Variants in ATIC observed in about 807,000 individuals in gnomAD.
ATIC encodes bifunctional purine biosynthesis protein ATIC.
ATIC carries 64 observed loss-of-function variants against 72.5 expected under a neutral mutation model. The ratio of observed to expected loss-of-function variants is 0.88; its 90% CI spans 0.72 to 1.09. ATIC has a LOEUF of 1.09. ATIC is among the 50% of genes least tolerant of loss of function. ATIC has a pLI of 0.00. For synonymous variants in ATIC, 281 were observed against 267.1 expected (o/e 1.05, Z -0.51); for missense variants, 787 against 732.4 (o/e 1.07, Z -0.86).
At chr2:215,317,270 A>C (rs2052720494) in intron 2 of ATIC, among the ~76,000 whole-genome samples, 1 of 152,152 alleles carries the variant, frequency 6.6e-6, no homozygotes, top group Non-Finnish European at 1.5e-5. Context: ...TTTTTATTTA[A>C]CATTTCTGTA....
intron 14 of ATIC, chr2:215,347,712 T>G (rs1021634400): frequency 2.1e-6 from 1 of 477,652 alleles, no homozygotes; most frequent in African/African-American, 2.0e-5. Context: ...ACTTTGATAC[T>G]TGGATTTTTC....
At chr2:215,347,740 C>A (rs1195836040) in intron 14 of ATIC, 1 of 467,250 alleles carries the variant, frequency 2.1e-6, no homozygotes, top group Non-Finnish European at 4.3e-6. Context: ...TATTACCAGT[C>A]AACCCCTGCT....
rs1559281775 is a variant in ATIC at position 215,349,471 on chromosome 2, G to A, written c.1660-65G>A. 3.1e-6 allele frequency: 5 copies of A among 1,611,498 alleles called. No individual in the cohort carries two copies. The Admixed American group carries it at 6.7e-5, about 22-fold the overall frequency. ...TTTGTTAGCATATGCTTTTTAGAGG[G>A]GGATTTTGAGTTTTGCAGGTTTTTA... On this transcript the variant is annotated intron_variant, in intron 15 of 15. Transcript: ENST00000236959.
the ATIC span, chr2:215,367,845 G>A: frequency 1.2e-6 from 2 of 1,613,366 alleles, no homozygotes; most frequent in East Asian, 2.2e-5. Context: ...GAAGTGGATG[G>A]ACAAAGCAAC....
At chr2:215,319,871 T>C in intron 4 of ATIC, 140 bp downstream of exon 4, 1 of 742,796 alleles carries the variant, frequency 1.3e-6, no homozygotes, top group Non-Finnish European at 2.3e-6. Flanking sequence ...GTGTAAGCAT[T>C]TTGGTTTGGC....
intron 6 of ATIC, 48 bp downstream of exon 6, chr2:215,326,186 T>C (rs1026813284): frequency 1.2e-6 from 2 of 1,610,878 alleles, no homozygotes; most frequent in Admixed American, 1.7e-5. Flanking sequence ...TGGAGTGCAG[T>C]GTTTGCCAGA....
At chr2:215,340,268 A>G (rs1367085387) in intron 12 of ATIC, among the ~76,000 whole-genome samples, 1 of 152,222 alleles carries the variant, frequency 6.6e-6, no homozygotes, top group African/African-American at 2.4e-5. Flanking sequence ...GGTGACTACC[A>G]TCGTGTCAAT....
chr2:215,332,682 G>A (rs1406421195), intron 8 of ATIC, among the ~76,000 whole-genome samples, 175 bp downstream of exon 8: 2 of 152,116 alleles, frequency 1.3e-5, no homozygotes, highest in African/African-American at 4.8e-5. Flanking sequence ...CACACACACA[G>A]AATTGTGTAA....
At chr2:215,342,743 G>A (rs771874198) in intron 12 of ATIC, among the ~76,000 whole-genome samples, 6 of 152,120 alleles carry the variant, frequency 3.9e-5, no homozygotes, top group Admixed American at 2.6e-4. Context: ...GCAATGGCTC[G>A]GTCTTGGCTC....
chr2:215,331,241 C>T (rs944989110), intron 7 of ATIC, among the ~76,000 whole-genome samples: 21 of 152,066 alleles, frequency 1.4e-4, no homozygotes, highest in African/African-American at 3.4e-4. Context: ...GTTGCAGGGA[C>T]GGTTTTTTTC....
At chr2:215,349,039 A>G (rs1187710047) in intron 14 of ATIC, 55 bp from the exon 15 acceptor site, 1 of 1,597,012 alleles carries the variant, frequency 6.3e-7, no homozygotes. Flanking sequence ...TTTGCACCAC[A>G]TAGAACTAAA....
intron 11 of ATIC, among the ~76,000 whole-genome samples, chr2:215,336,598 G>A (rs6713365): frequency 0.99 from 150,183 of 152,360 alleles, 74,037 homozygotes; most frequent in Middle Eastern, 1. Context: ...AATAGTCTAT[G>A]TATTCAGCAA....
chr2:215,337,721 C>T (rs1317442640), intron 11 of ATIC, among the ~76,000 whole-genome samples: 2 of 152,152 alleles, frequency 1.3e-5, no homozygotes, highest in Non-Finnish European at 2.9e-5. Flanking sequence ...GTGTTATGTA[C>T]TTAACAACCA....
chr2:215,350,104 C>T (rs1331772127), downstream of ATIC, among the ~76,000 whole-genome samples: 4 of 151,860 alleles, frequency 2.6e-5, no homozygotes, highest in Admixed American at 2.0e-4. Flanking sequence ...CTTCTCATGC[C>T]GTTTTTGTTT....
chr2:215,320,976 A>T (rs1249952584), intron 4 of ATIC, among the ~76,000 whole-genome samples: 1 of 152,116 alleles, frequency 6.6e-6, no homozygotes, highest in African/African-American at 2.4e-5. Context: ...CTCCCCCGTG[A>T]CCCAATCATC....
Position 215,314,996 on chromosome 2 carries a change from A to G in ATIC, c.146+2372A>G, listed in dbSNP as rs533493217. ...ATCCATTTTTATGTTTAGGTTCAAC[A>G]AAGAATGGACAGAAAGGTGGAAGTA... On this transcript the variant is annotated intron_variant, in intron 2 of 15. Coordinates refer to ENST00000236959, the MANE Select transcript of ATIC (RefSeq NM_004044.7). Among the ~76,000 whole-genome samples, 5 of 152,334 alleles carry G rather than the reference A, an allele frequency of 3.3e-5. No homozygotes were observed. The East Asian group carries it at 7.7e-4, about 24-fold the overall frequency.
At position 215,333,457 on chromosome 2, in the gene ATIC, G is replaced by C. The variant is rs1233912600; in HGVS notation, c.922G>C (p.Gly308Arg). The C allele has an allele frequency of 6.2e-7, 1 of 1,612,128 alleles. No homozygotes were observed. Among genetic ancestry groups the C allele is most frequent in the Non-Finnish European group, 8.5e-7 (1 of 1,178,578 alleles). ...CTCAGCGGCATATGCAAGAGCAAGAGGTCAGACTCATAGGGCTTTTTGATT... is the reference window on the plus strand; with the variant it reads ...CTCAGCGGCATATGCAAGAGCAAGACGTCAGACTCATAGGGCTTTTTGATT... Reference protein sequence around the residue: ...PISAAYARARGADRMSSFGDF... With the variant: ...PISAAYARARRADRMSSFGDF... Residue 308 changes from glycine (G) to arginine (R), a missense_variant and splice_region_variant, in exon 9 of 16, where the codon GGG (glycine) becomes CGG (arginine). Physicochemically the swap from Gly to Arg is moderately radical, Grantham distance 125. Coordinates refer to ENST00000236959, the MANE Select transcript of ATIC (RefSeq NM_004044.7).
At chr2:215,355,296 G>A in the ATIC span, among the ~76,000 whole-genome samples, 5 of 152,136 alleles carry the variant, frequency 3.3e-5, no homozygotes, top group South Asian at 4.1e-4. Flanking sequence ...CATTCGAAAC[G>A]TCAAGAGTGG....
At chr2:215,323,867 G>T (rs369661263) in intron 4 of ATIC, among the ~76,000 whole-genome samples, 22 of 152,224 alleles carry the variant, frequency 1.4e-4, no homozygotes, top group East Asian at 3.9e-4. Context: ...TCCGCCTCCC[G>T]GGTTTAAGTG....
Sources: allele counts gnomAD v4.1 joint callset (sites outside exome capture counted in the v4.1 genomes callset), GRCh38; gene constraint gnomAD v4.1.1; transcripts MANE v1.5; gene names NCBI Gene and HGNC (gene_info 2026-07-23, HGNC 2026-07-21).